PTPN20: variants seen among roughly 807,000 people sequenced by gnomAD.
PTPN20 encodes tyrosine-protein phosphatase non-receptor type 20.
Under a neutral mutation model 35.0 loss-of-function variants are expected in PTPN20, and 9 were observed. The ratio of observed to expected loss-of-function variants is 0.26; its 90% confidence interval spans 0.15 to 0.45. The LOEUF is 0.45. PTPN20 is among the 20% of genes least tolerant of loss of function. PTPN20 has a pLI of 1.00. For missense variants in PTPN20, 111 were observed against 312.5 expected (o/e 0.36, Z 4.86); for synonymous variants, 32 against 100.2 (o/e 0.32, Z 4.06).
At chr10:46,932,300 A>G in intron 1 of PTPN20, 77 bp from the exon 2 acceptor site, 1 of 1,502,448 alleles carries the variant, frequency 6.7e-7, no homozygotes, top group Non-Finnish European at 8.9e-7. Flanking sequence ...TTTTGAATTG[A>G]TGAGTAATAA....
chr10:46,942,108 A>G (rs2043708222), intron 3 of PTPN20, among the ~76,000 whole-genome samples: 1 of 2,928 alleles, frequency 3.4e-4, no homozygotes, highest in Admixed American at 2.9e-3. Context: ...TTGGCCTCCC[A>G]AAGTGCTGGG....
intron 5 of PTPN20, chr10:46,955,040 T>C (rs1475598067): frequency 1.3e-5 from 2 of 151,318 alleles, no homozygotes; most frequent in Non-Finnish European, 2.9e-5. Context: ...TTTAAAGTAT[T>C]TGAGAGAGAG....
chr10:47,001,047 G>A lies in PTPN20; in HGVS notation c.*306G>A. 4.9e-6 allele frequency: 2 copies of A among 409,978 alleles called. No homozygotes were observed. The highest frequency in any genetic ancestry group is 4.4e-6 in the Non-Finnish European group (1 of 224,826). 25.4% of individuals were successfully genotyped at this position (409,978 alleles called of 1,614,324 possible). ...TGAAGGGATTACAGAGCCCAATAAA[G>A]GATTTAAAATATATTCATTAAGATT... On this transcript the variant is annotated 3_prime_UTR_variant, in exon 11 of 11. Coordinates refer to ENST00000374339, the MANE Select transcript of PTPN20 (RefSeq NM_001042357.5).
chr10:46,954,907 A>T (rs2047999372), intron 5 of PTPN20, among the ~76,000 whole-genome samples: 1 of 151,494 alleles, frequency 6.6e-6, no homozygotes, highest in East Asian at 1.9e-4. Context: ...CCAACTATGG[A>T]TCAAAGATAT....
intron 7 of PTPN20, among the ~76,000 whole-genome samples, chr10:46,977,050 G>T (rs1250969544): frequency 6.6e-6 from 1 of 152,244 alleles, no homozygotes; most frequent in Non-Finnish European, 1.5e-5. Context: ...TGGTGTGAAG[G>T]TATTTTTTAA....
chr10:46,990,215 A>G (rs1167949740), intron 9 of PTPN20, among the ~76,000 whole-genome samples: 1,192 of 148,808 alleles, frequency 8.0e-3, no homozygotes, highest in African/African-American at 0.028. Flanking sequence ...TCTACTAAAA[A>G]TACAAAAATT....
chr10:46,972,229 A>G (rs1309462622), intron 7 of PTPN20, among the ~76,000 whole-genome samples: 1 of 150,974 alleles, frequency 6.6e-6, no homozygotes, highest in Non-Finnish European at 1.5e-5. Flanking sequence ...TATAATTACT[A>G]CAAATCAAGA....
At chr10:46,951,412 ATGT>A (rs1447108581) in intron 5 of PTPN20, among the ~76,000 whole-genome samples, 1 of 152,214 alleles carries the variant, frequency 6.6e-6, no homozygotes, top group Admixed American at 6.5e-5. Flanking sequence ...AAATCTTAAC[ATGT>A]TGTCTGTCTG....
chr10:47,002,602 A>T (rs1252814825), downstream of PTPN20: 2 of 152,020 alleles, frequency 1.3e-5, no homozygotes, highest in African/African-American at 2.4e-5. Flanking sequence ...TGCAATGTGA[A>T]CATGAAATTT....
intron 2 of PTPN20, among the ~76,000 whole-genome samples, chr10:46,937,226 T>C (rs2041938888): frequency 6.8e-6 from 1 of 147,818 alleles, no homozygotes; most frequent in Non-Finnish European, 1.5e-5. Context: ...CATTATCTTC[T>C]AGCATGCATG....
chr10:47,000,986 A>G lies in PTPN20; in HGVS notation c.*245A>G, dbSNP rs1433753067. 3.2e-5 allele frequency: 18 copies of G among 569,826 alleles called. No individual in the cohort carries two copies. In the Admixed American group the frequency reaches 4.1e-4, roughly 13 times the overall value. The allele number at this position is 569,826 out of a possible 1,614,324, so 35.3% of individuals were successfully genotyped here. A position where few individuals can be genotyped will look rare whatever the true frequency, so the allele number is the denominator to read the frequency against. On this transcript the variant is annotated 3_prime_UTR_variant, in exon 11 of 11. Coordinates refer to ENST00000374339, the MANE Select transcript of PTPN20 (RefSeq NM_001042357.5). ...CTTCCCACATTTTCCAGTGAAACAG[A>G]TGTTACATAAAACGATTGCAGCTTG...
intron 1 of PTPN20, among the ~76,000 whole-genome samples, chr10:46,929,213 CCAAA>C (rs2038739526): frequency 1.9e-5 from 2 of 107,468 alleles, no homozygotes; most frequent in African/African-American, 4.4e-5. Flanking sequence ...CCTGAGCAAA[CCAAA>C]CACTTGTAGT....
chr10:46,952,879 C>A (rs1367771057), intron 5 of PTPN20, among the ~76,000 whole-genome samples: 6 of 150,464 alleles, frequency 4.0e-5, no homozygotes, highest in Non-Finnish European at 7.4e-5. Flanking sequence ...ATCCCCCTTT[C>A]CCTGATGATT....
intron 1 of PTPN20, among the ~76,000 whole-genome samples, chr10:46,924,107 GA>G (rs2036362021): frequency 6.8e-6 from 1 of 146,658 alleles, no homozygotes; most frequent in Non-Finnish European, 1.5e-5. Context: ...TTTATTTCGA[GA>G]TGGAGTCTCG....
chr10:46,989,562 ATT>A (rs1165801829), intron 9 of PTPN20, among the ~76,000 whole-genome samples: 2 of 3,032 alleles, frequency 6.6e-4, no homozygotes, highest in African/African-American at 5.1e-3. Context: ...TTTGTTGAGG[ATT>A]TTTTTTTTTT....
chr10:46,949,628 G>T (rs1440589013), intron 5 of PTPN20, among the ~76,000 whole-genome samples: 1 of 148,690 alleles, frequency 6.7e-6, no homozygotes, highest in Non-Finnish European at 1.5e-5. Context: ...TTAGGCAGAA[G>T]TGGAATTTTG....
Position 46,953,392 on chromosome 10 carries a change from TTTC to T in PTPN20, c.340+6720_340+6722del, listed in dbSNP as rs1454281032. Among the ~76,000 whole-genome samples the T allele has an allele frequency of 9.3e-4, 132 of 141,968 alleles. 2 individuals are homozygous for T. Among genetic ancestry groups the T allele is most frequent in the African/African-American group, 3.8e-3 (125 of 33,216 alleles). 93.1% of individuals were successfully genotyped at this position (141,968 alleles called of 152,430 possible). ...CTTTCTTTCTTTCTTTCTTTCTTTC[TTTC>T]TTTTTTTTTGACTTACTAACTTATT... On this transcript the variant is annotated intron_variant, in intron 5 of 10. Transcript: ENST00000374339.
At chr10:46,981,192 G>C (rs1365056683) in intron 7 of PTPN20, 2 of 145,338 alleles carry the variant, frequency 1.4e-5, no homozygotes, top group African/African-American at 5.1e-5. Flanking sequence ...CCATGTGAAT[G>C]CTCACCAAAG....
At chr10:46,950,768 A>G (rs1667131378) in intron 5 of PTPN20, among the ~76,000 whole-genome samples, 1 of 152,060 alleles carries the variant, frequency 6.6e-6, no homozygotes, top group Admixed American at 6.6e-5. Context: ...CAACCAATAT[A>G]ATAGTTTATC....
Sources: allele counts gnomAD v4.1 joint callset (sites outside exome capture counted in the v4.1 genomes callset), GRCh38; gene constraint gnomAD v4.1.1; transcripts MANE v1.5; gene names NCBI Gene and HGNC (gene_info 2026-07-23, HGNC 2026-07-21).